RABGAP1L: variants seen among roughly 807,000 people sequenced by gnomAD.
RABGAP1L encodes rab GTPase-activating protein 1-like.
In RABGAP1L, 63 loss-of-function variants were observed where a neutral mutation model predicts 137.7. The ratio of observed to expected loss-of-function variants is 0.46; its 90% confidence interval spans 0.37 to 0.56. The LOEUF is 0.56. Among genes scored for constraint, RABGAP1L ranks in the 20% least tolerant of loss-of-function variants. The pLI is 0.00. For synonymous variants in RABGAP1L, 431 were observed against 433.7 expected (o/e 0.99, Z 0.08); for missense variants, 1,095 against 1,244.0 (o/e 0.88, Z 1.80).
intron 17 of RABGAP1L, among the ~76,000 whole-genome samples, chr1:174,741,894 C>T (rs1572993908): frequency 7.0e-6 from 1 of 142,330 alleles, no homozygotes; most frequent in South Asian, 2.2e-4. Flanking sequence ...GAAAAATTAG[C>T]CAGGCATGGT....
At chr1:174,757,074 C>T in intron 18 of RABGAP1L, 1 of 519,382 alleles carries the variant, frequency 1.9e-6, no homozygotes, top group Non-Finnish European at 3.9e-6. Flanking sequence ...GGCTTTTCCC[C>T]CACGGACTCT....
chr1:174,278,704 G>T lies in RABGAP1L; in HGVS notation c.1248G>T (p.Val416=). Residue 416 remains valine (V), a synonymous_variant, in exon 10 of 26, where the codon GTG becomes GTT. Transcript: ENST00000681986. ...TTCTCCTGGAGACAGTAGTCCGTGT[G>T]TACCCTGCAAATGAGCGATTTTGGT... The part of the protein sequence containing the change: ...VRFLLETVVR[V]YPANERFWYF... The T allele has an allele frequency of 6.3e-7, 1 of 1,599,810 alleles. No individual in the cohort carries two copies. Among genetic ancestry groups the T allele is most frequent in the Non-Finnish European group, 8.5e-7 (1 of 1,175,954 alleles).
At chr1:174,853,906 G>C (rs1307761759) in intron 19 of RABGAP1L, among the ~76,000 whole-genome samples, 1 of 152,006 alleles carries the variant, frequency 6.6e-6, no homozygotes, top group Non-Finnish European at 1.5e-5. Flanking sequence ...TTTTCCTCTG[G>C]CATGTTTATA....
chr1:174,727,504 C>T (rs1315270184), intron 17 of RABGAP1L, among the ~76,000 whole-genome samples: 1 of 152,074 alleles, frequency 6.6e-6, no homozygotes, highest in African/African-American at 2.4e-5. Context: ...CTTTGGAAAA[C>T]AACAAACAGA....
chr1:174,911,630 A>G (rs1200425813), intron 19 of RABGAP1L, among the ~76,000 whole-genome samples: 1 of 152,192 alleles, frequency 6.6e-6, no homozygotes, highest in Non-Finnish European at 1.5e-5. Flanking sequence ...CGTATATGTA[A>G]TCTAATTATT....
At chr1:174,940,776 C>T (rs1398852706) in intron 19 of RABGAP1L, among the ~76,000 whole-genome samples, 2 of 152,174 alleles carry the variant, frequency 1.3e-5, no homozygotes, top group Non-Finnish European at 2.9e-5. Flanking sequence ...CAAAACAATC[C>T]AAAAACTTTT....
intron 15 of RABGAP1L, 87 bp downstream of exon 15, chr1:174,683,683 A>G: frequency 9.7e-7 from 1 of 1,026,558 alleles, no homozygotes; most frequent in Non-Finnish European, 1.5e-6. Context: ...CTTATTTCCC[A>G]TTTATCTGAT....
At chr1:174,326,460 C>T (rs1041145626) in intron 11 of RABGAP1L, among the ~76,000 whole-genome samples, 4 of 151,886 alleles carry the variant, frequency 2.6e-5, no homozygotes, top group South Asian at 2.1e-4. Context: ...ATCAAGCAGA[C>T]GAAAAATCAG....
intron 19 of RABGAP1L, among the ~76,000 whole-genome samples, chr1:174,848,762 C>G (rs1229784121): frequency 3.4e-5 from 5 of 148,720 alleles, no homozygotes; most frequent in African/African-American, 5.0e-5. Flanking sequence ...CCACCCAGTT[C>G]GAGCTTCCCG....
chr1:174,468,085 T>C (rs1657505538), intron 13 of RABGAP1L, among the ~76,000 whole-genome samples: 1 of 152,152 alleles, frequency 6.6e-6, no homozygotes, highest in Non-Finnish European at 1.5e-5. Flanking sequence ...AGAATTAATT[T>C]TATTATTGCT....
intron 18 of RABGAP1L, among the ~76,000 whole-genome samples, chr1:174,803,935 TG>T (rs1467322103): frequency 1.3e-5 from 2 of 151,032 alleles, no homozygotes; most frequent in Non-Finnish European, 2.9e-5. Context: ...TAGTCAGGTG[TG>T]GGGGTGGGCG....
chr1:174,548,211 G>A (rs1666176609), intron 13 of RABGAP1L: 1 of 1,428,914 alleles, frequency 7.0e-7, no homozygotes, highest in Non-Finnish European at 9.1e-7. Context: ...GTAATTAAGA[G>A]AAAGCATAAT....
intron 19 of RABGAP1L, among the ~76,000 whole-genome samples, chr1:174,936,971 ATTTTTTTTTTT>A (rs909397955): frequency 6.9e-5 from 7 of 101,550 alleles, no homozygotes; most frequent in African/African-American, 3.1e-4. Context: ...TATAAGATTA[ATTTTTTTTTTT>A]TTTTTTTTTT....
chr1:174,737,254 A>C (rs1683034360), intron 17 of RABGAP1L, among the ~76,000 whole-genome samples: 1 of 152,142 alleles, frequency 6.6e-6, no homozygotes, highest in Non-Finnish European at 1.5e-5. Context: ...AAGCAGCCAT[A>C]CTACCTCTAG....
At chr1:174,220,721 T>C (rs560907480) in intron 2 of RABGAP1L, 1 of 269,664 alleles carries the variant, frequency 3.7e-6, no homozygotes, top group Non-Finnish European at 6.8e-6. Context: ...GGATCTTATA[T>C]AAAATGTAGT....
intron 13 of RABGAP1L, among the ~76,000 whole-genome samples, chr1:174,528,445 C>A (rs779761711): frequency 3.3e-5 from 5 of 150,408 alleles, no homozygotes; most frequent in Non-Finnish European, 7.4e-5. Context: ...ACTACTTTTT[C>A]TTCATTTTTT....
chr1:174,929,947 C>G (rs1453618373), intron 19 of RABGAP1L, among the ~76,000 whole-genome samples: 1 of 148,640 alleles, frequency 6.7e-6, no homozygotes, highest in Non-Finnish European at 1.5e-5. Flanking sequence ...GCCTCCTGGG[C>G]TCAAGTGATC....
At chr1:174,330,998 C>T (rs1200296076) in intron 11 of RABGAP1L, among the ~76,000 whole-genome samples, 1 of 152,100 alleles carries the variant, frequency 6.6e-6, no homozygotes, top group Non-Finnish European at 1.5e-5. Flanking sequence ...ACGCATAGAC[C>T]TATGGAACAA....
chr1:174,992,314 C>G lies in RABGAP1L; in HGVS notation c.*2313C>G, dbSNP rs1382923022. ...AATTAGCCGGGCTTGGTGGCGGGTG[C>G]CTGTAATCCCAGCTACTCGGGAGGT... On this transcript the variant is annotated 3_prime_UTR_variant, in exon 26 of 26. Transcript: ENST00000681986. 1 of 152,234 alleles carries G rather than the reference C, an allele frequency of 6.6e-6. No individual in the cohort carries two copies. Among genetic ancestry groups the G allele is most frequent in the Admixed American group, 6.5e-5 (1 of 15,270 alleles). The allele number at this position is 152,234 out of a possible 1,614,324, so 9.4% of individuals were successfully genotyped here.
Sources: gnomAD v4.1 joint callset for allele counts (sites outside exome capture counted in the v4.1 genomes callset) on GRCh38, gnomAD v4.1.1 for gene constraint, MANE v1.5 for transcripts, NCBI Gene and HGNC (gene_info 2026-07-23, HGNC 2026-07-21) for gene names.